The following CDH18 variants were observed in gnomAD, a reference collection of about 807,000 sequenced individuals.
The protein encoded by CDH18 is cadherin 18.
Under a neutral mutation model 67.9 loss-of-function variants are expected in CDH18, and 31 were observed. That is an observed-to-expected ratio of 0.46 (90% CI 0.34 to 0.62). The LOEUF is 0.62. CDH18 is among the 20% of genes least tolerant of loss of function. CDH18 has a pLI of 0.01. For synonymous variants in CDH18, 362 were observed against 347.2 expected, an observed-to-expected ratio of 1.04 and a Z score of -0.48; for missense variants, 890 against 975.5, an observed-to-expected ratio of 0.91 and a Z score of 1.17.
intron 1 of CDH18, among the ~76,000 whole-genome samples, chr5:20,571,425 A>G (rs1332000726): frequency 6.6e-6 from 1 of 152,126 alleles, no homozygotes; most frequent in African/African-American, 2.4e-5. Flanking sequence ...ACATCAATAT[A>G]TAGCATCGGA....
intron 2 of CDH18, among the ~76,000 whole-genome samples, chr5:20,104,934 CAT>C (rs1335899815): frequency 6.6e-6 from 1 of 152,162 alleles, no homozygotes; most frequent in Non-Finnish European, 1.5e-5. Flanking sequence ...CCCCATCTCA[CAT>C]GATTTATGAT....
chr5:19,899,746 T>TAA (rs1425704360), intron 2 of CDH18, among the ~76,000 whole-genome samples: 2 of 152,098 alleles, frequency 1.3e-5, no homozygotes, highest in African/African-American at 2.4e-5. Flanking sequence ...TATATATATA[T>TAA]AACAGAATAA....
intron 2 of CDH18, among the ~76,000 whole-genome samples, chr5:20,141,900 A>T (rs1750272796): frequency 6.6e-6 from 1 of 152,148 alleles, no homozygotes; most frequent in East Asian, 1.9e-4. Flanking sequence ...TAATACTAAT[A>T]TTAAAGTATT....
intron 3 of CDH18, among the ~76,000 whole-genome samples, chr5:19,790,955 G>A (rs148129785): frequency 6.2e-4 from 94 of 152,202 alleles, no homozygotes; most frequent in Non-Finnish European, 9.4e-4. Context: ...CGATTCTCAG[G>A]TGTGTTACTT....
chr5:19,877,269 T>G (rs1787120350), intron 2 of CDH18, among the ~76,000 whole-genome samples: 2 of 152,188 alleles, frequency 1.3e-5, no homozygotes, highest in Admixed American at 1.3e-4. Flanking sequence ...ATCGTTACTT[T>G]TATTCAACAT....
At position 19,483,421 on chromosome 5, in the gene CDH18, C is replaced by T; in HGVS notation, c.1762G>A (p.Val588Ile). The change falls in exon 12 of 13, where the codon GTT (valine) becomes ATT (isoleucine). Residue 588 changes from valine to isoleucine, a missense_variant. Val to Ile is a conservative substitution (Grantham distance 29). Around this residue, in one of 2 missense-constraint regions of CDH18, gnomAD observed 656 missense variants for 668.1 expected, o/e 0.98. Transcript: ENST00000382275. The part of the protein sequence containing the change: ...LSSSSTLTIR[V>I]CACERDGRVR... ...CGCCCATCTCTCTCGCATGCACAAA[C>T]CCTGATGGTGAGGGTGCTGCTGCTG... 6.2e-7 allele frequency: 1 copy of T among 1,614,088 alleles called. No individual in the cohort carries two copies. Among genetic ancestry groups the T allele is most frequent in the Non-Finnish European group, 8.5e-7 (1 of 1,179,996 alleles).
At chr5:19,962,378 C>CAAAAAAAAAAAAAAAAAAAA (rs3065078) in intron 2 of CDH18, among the ~76,000 whole-genome samples, 3 of 51,594 alleles carry the variant, frequency 5.8e-5, no homozygotes, top group Admixed American at 3.0e-4. Flanking sequence ...CGTCAAAAAG[C>CAAAAAAAAAAAAAAAAAAAA]AAAAAAAAAA....
chr5:20,284,910 T>C (rs1420867777), intron 1 of CDH18, among the ~76,000 whole-genome samples: 1 of 151,896 alleles, frequency 6.6e-6, no homozygotes. Context: ...TGGTCTATAA[T>C]GTTGTACTAT....
At chr5:19,919,357 T>G (rs1792185202) in intron 2 of CDH18, among the ~76,000 whole-genome samples, 1 of 152,180 alleles carries the variant, frequency 6.6e-6, no homozygotes, top group Admixed American at 6.5e-5. Context: ...TTATTGAGCT[T>G]GAGGAATAGG....
At chr5:20,029,403 A>T (rs1326056966) in intron 2 of CDH18, among the ~76,000 whole-genome samples, 1 of 152,188 alleles carries the variant, frequency 6.6e-6, no homozygotes, top group African/African-American at 2.4e-5. Context: ...TCTACTGATA[A>T]ATCTCTTTTC....
chr5:20,505,764 C>T (rs1449655316), intron 1 of CDH18, among the ~76,000 whole-genome samples: 1 of 152,206 alleles, frequency 6.6e-6, no homozygotes, highest in Non-Finnish European at 1.5e-5. Flanking sequence ...CATTGTTTCA[C>T]AAACACTTAA....
chr5:20,253,241 TC>T (rs1039381782), intron 2 of CDH18, among the ~76,000 whole-genome samples: 2 of 152,058 alleles, frequency 1.3e-5, no homozygotes, highest in African/African-American at 4.8e-5. Context: ...TCTGAAAGTA[TC>T]CAGAAACATA....
intron 2 of CDH18, among the ~76,000 whole-genome samples, chr5:20,120,048 C>T (rs1023736881): frequency 6.6e-6 from 1 of 152,046 alleles, no homozygotes; most frequent in South Asian, 2.1e-4. Flanking sequence ...ATACTGAGGT[C>T]ATTCAGTTCA....
intron 3 of CDH18, among the ~76,000 whole-genome samples, chr5:19,787,542 T>C (rs1775936314): frequency 6.6e-6 from 1 of 152,190 alleles, no homozygotes; most frequent in African/African-American, 2.4e-5. Context: ...ACTATATGCA[T>C]GTGTTTCCAT....
intron 1 of CDH18, among the ~76,000 whole-genome samples, chr5:20,295,985 C>T (rs1276601314): frequency 6.8e-6 from 1 of 148,128 alleles, no homozygotes; most frequent in South Asian, 2.1e-4. Context: ...GATTCTCCTG[C>T]CTCAGCCTCC....
At chr5:20,036,428 G>GA (rs1273967187) in intron 2 of CDH18, among the ~76,000 whole-genome samples, 17 of 151,776 alleles carry the variant, frequency 1.1e-4, no homozygotes, top group Non-Finnish European at 1.8e-4. Flanking sequence ...GAGAAGGAGT[G>GA]AAAAAAAGAG....
At chr5:19,526,407 G>A (rs774640104) in intron 9 of CDH18, among the ~76,000 whole-genome samples, 4 of 152,100 alleles carry the variant, frequency 2.6e-5, no homozygotes, top group Non-Finnish European at 5.9e-5. Flanking sequence ...AGTGGAAGCT[G>A]TATGCTACAA....
intron 4 of CDH18, among the ~76,000 whole-genome samples, chr5:19,740,811 T>C (rs1195602013): frequency 6.6e-6 from 1 of 152,110 alleles, no homozygotes; most frequent in African/African-American, 2.4e-5. Context: ...AACTGTCGGT[T>C]CTGAAGACTA....
At chr5:20,473,897 T>C (rs1418692592) in intron 1 of CDH18, among the ~76,000 whole-genome samples, 1 of 152,164 alleles carries the variant, frequency 6.6e-6, no homozygotes, top group Non-Finnish European at 1.5e-5. Flanking sequence ...GCTTTTTAAA[T>C]ATGCTATCCC....
Sources: allele counts gnomAD v4.1 joint callset (sites outside exome capture counted in the v4.1 genomes callset), GRCh38; gene constraint gnomAD v4.1.1; regional missense constraint gnomAD v4.1.1; transcripts MANE v1.5; gene names NCBI Gene and HGNC (gene_info 2026-07-23, HGNC 2026-07-21).